Variants in RBMS3 observed in about 807,000 individuals in gnomAD.
The protein encoded by RBMS3 is RNA binding motif single stranded interacting protein 3.
A neutral mutation model predicts 66.8 loss-of-function variants in RBMS3; 27 were observed. That is an observed-to-expected ratio of 0.40 (90% CI 0.30 to 0.56). RBMS3 has a LOEUF of 0.56. Ranked by LOEUF, RBMS3 falls within the 20% of genes least tolerant of loss-of-function variation. The pLI is 0.40. For missense variants in RBMS3, 513 were observed against 549.5 expected (o/e 0.93, Z 0.66); for synonymous variants, 188 against 183.0 (o/e 1.03, Z -0.22).
chr3:29,829,992 T>A (rs1044753113), intron 6 of RBMS3, among the ~76,000 whole-genome samples: 3 of 150,602 alleles, frequency 2.0e-5, no homozygotes, highest in African/African-American at 4.9e-5. Context: ...AAAAAAAAAA[T>A]TGCCTTATTT....
chr3:29,488,570 G>C lies in RBMS3; in HGVS notation c.307+71G>C. On this transcript the variant is annotated intron_variant, in intron 3 of 14. Transcript: ENST00000383767. ...TGATTAATGGTTCTTCCATTGTGGA[G>C]GTCCAGGTACCAGCTGCACAATGAT... 8 of 1,386,512 alleles carry C rather than the reference G, an allele frequency of 5.8e-6. 1 individual carries two copies. Among genetic ancestry groups the C allele is most frequent in the Middle Eastern group, 3.6e-4 (2 of 5,524 alleles). The allele number at this position is 1,386,512 out of a possible 1,614,324, so 85.9% of individuals were successfully genotyped here. A position where few individuals can be genotyped will look rare whatever the true frequency, so the allele number is the denominator to read the frequency against.
At chr3:29,827,446 G>A (rs756511517) in intron 6 of RBMS3, among the ~76,000 whole-genome samples, 1 of 152,018 alleles carries the variant, frequency 6.6e-6, no homozygotes, top group Non-Finnish European at 1.5e-5. Flanking sequence ...ATATTACTTT[G>A]AAGAAATATC....
chr3:29,855,348 C>G (rs1376137280), intron 6 of RBMS3, among the ~76,000 whole-genome samples: 2 of 152,080 alleles, frequency 1.3e-5, no homozygotes, highest in Non-Finnish European at 2.9e-5. Context: ...TGACTTTTTC[C>G]TATAAGGAAA....
At chr3:29,516,044 G>A (rs966556830) in intron 3 of RBMS3, among the ~76,000 whole-genome samples, 1 of 152,090 alleles carries the variant, frequency 6.6e-6, no homozygotes, top group African/African-American at 2.4e-5. Context: ...GACTTTAAGG[G>A]TACAAAAGAT....
At chr3:29,323,945 G>C (rs750414540) in intron 1 of RBMS3, among the ~76,000 whole-genome samples, 1 of 149,486 alleles carries the variant, frequency 6.7e-6, no homozygotes. Context: ...TATTACCCTT[G>C]TTCAAACAGG....
chr3:29,643,094 C>A (rs1203063546), intron 4 of RBMS3, among the ~76,000 whole-genome samples: 1 of 152,094 alleles, frequency 6.6e-6, no homozygotes, highest in Non-Finnish European at 1.5e-5. Context: ...AAAAAATAGG[C>A]ACTTTGATTC....
intron 1 of RBMS3, among the ~76,000 whole-genome samples, chr3:29,424,360 T>C (rs577084943): frequency 6.6e-6 from 1 of 152,318 alleles, no homozygotes; most frequent in South Asian, 2.1e-4. Context: ...GTTTGTAAGA[T>C]AAATATTAAG....
chr3:29,469,213 A>T (rs1291120482), intron 2 of RBMS3, among the ~76,000 whole-genome samples: 1 of 152,110 alleles, frequency 6.6e-6, no homozygotes, highest in Non-Finnish European at 1.5e-5. Context: ...ATTTTAACTC[A>T]TAGTATGGGA....
chr3:29,629,054 C>T (rs2049179036), intron 4 of RBMS3, among the ~76,000 whole-genome samples: 1 of 151,974 alleles, frequency 6.6e-6, no homozygotes, highest in Non-Finnish European at 1.5e-5. Flanking sequence ...ATATGCAGGC[C>T]ATCATGATGA....
At chr3:29,890,811 C>T (rs1321366801) in intron 8 of RBMS3, among the ~76,000 whole-genome samples, 1 of 151,512 alleles carries the variant, frequency 6.6e-6, no homozygotes, top group Non-Finnish European at 1.5e-5. Context: ...GAAGGGCCAA[C>T]ACAGTAGTGG....
At chr3:29,739,395 G>T (rs1014650612) in intron 4 of RBMS3, among the ~76,000 whole-genome samples, 3 of 149,568 alleles carry the variant, frequency 2.0e-5, no homozygotes, top group Admixed American at 6.7e-5. Flanking sequence ...AGCAGAGCTT[G>T]CAGTGAGTCG....
chr3:29,803,867 A>G (rs2057462534), intron 6 of RBMS3, among the ~76,000 whole-genome samples: 1 of 152,112 alleles, frequency 6.6e-6, no homozygotes, highest in African/African-American at 2.4e-5. Flanking sequence ...TTGTCAAATG[A>G]GTAATTATAA....
chr3:29,941,482 C>T (rs1006718484), intron 11 of RBMS3, among the ~76,000 whole-genome samples: 1 of 151,558 alleles, frequency 6.6e-6, no homozygotes, highest in African/African-American at 2.4e-5. Context: ...AATTAAAACA[C>T]TCAAATACAA....
In RBMS3 at chr3:29,387,434, C is replaced by G. The variant is rs565563752; in HGVS notation, c.76-47309C>G. Among the ~76,000 whole-genome samples, 4 of 152,280 alleles carry G rather than the reference C, an allele frequency of 2.6e-5. No homozygotes were observed. The South Asian group carries it at 8.3e-4, about 32-fold the overall frequency. ...TCACCTGTCACATAGAATTTTTCAG[C>G]AAATATCAATGGCTCTACTTGACTG... is the stretch of plus-strand genomic sequence containing the variant. On this transcript the variant is annotated intron_variant, in intron 1 of 14. Coordinates refer to ENST00000383767, the MANE Select transcript of RBMS3 (RefSeq NM_001003793.3).
In RBMS3 at chr3:29,437,066, T is replaced by C. The variant is rs538896990; in HGVS notation, c.248+2151T>C. 6.6e-5 allele frequency among the ~76,000 whole-genome samples: 10 copies of C among 152,358 alleles called. No homozygotes were observed. The South Asian group carries it at 1.9e-3, about 28-fold the overall frequency. ...TGGTTTTTATTATTTCTGTGTTTAC[T>C]TGTAGTATCAGCAGTGTGCTGGAGC... On this transcript the variant is annotated intron_variant, in intron 2 of 14. Coordinates refer to ENST00000383767, the MANE Select transcript of RBMS3 (RefSeq NM_001003793.3).
At chr3:29,675,113 A>G (rs1181219709) in intron 4 of RBMS3, among the ~76,000 whole-genome samples, 3 of 152,200 alleles carry the variant, frequency 2.0e-5, no homozygotes, top group Non-Finnish European at 4.4e-5. Flanking sequence ...GCCCTCAGAA[A>G]TAATACCACA....
chr3:29,284,868 T>TTC (rs1553626454), intron 1 of RBMS3, among the ~76,000 whole-genome samples: 5 of 125,246 alleles, frequency 4.0e-5, no homozygotes, highest in African/African-American at 1.3e-4. Context: ...TTTTCTTTTT[T>TTC]TTTTTTTTTT....
chr3:29,302,260 C>T (rs1575500507), intron 1 of RBMS3, among the ~76,000 whole-genome samples: 1 of 152,016 alleles, frequency 6.6e-6, no homozygotes, highest in Non-Finnish European at 1.5e-5. Context: ...AACCCTCCCA[C>T]CTCGGCCTCC....
intron 6 of RBMS3, among the ~76,000 whole-genome samples, chr3:29,829,677 T>G (rs1289990602): frequency 6.6e-6 from 1 of 152,106 alleles, no homozygotes; most frequent in African/African-American, 2.4e-5. Flanking sequence ...CTGCCTAGAG[T>G]TGATGCTGAT....
Sources: gnomAD v4.1 joint callset for allele counts (sites outside exome capture counted in the v4.1 genomes callset) on GRCh38, gnomAD v4.1.1 for gene constraint, MANE v1.5 for transcripts, NCBI Gene and HGNC (gene_info 2026-07-23, HGNC 2026-07-21) for gene names.